The following SPMAP2 variants were observed in gnomAD, a reference collection of about 807,000 sequenced individuals.
The protein encoded by SPMAP2 is Theg homolog.
the SPMAP2 span, among the ~76,000 whole-genome samples, chr19:369,304 C>T: frequency 3.3e-3 from 507 of 152,308 alleles, 1 homozygote; most frequent in Non-Finnish European, 5.6e-3. Context: ...GCACTACCAC[C>T]GAGTGCTGAC....
the SPMAP2 span, chr19:373,617 G>A: frequency 2.2e-6 from 3 of 1,366,852 alleles, no homozygotes; most frequent in South Asian, 3.6e-5. Flanking sequence ...CCAGGAGGGT[G>A]GCCGAGGTGG....
the SPMAP2 span, among the ~76,000 whole-genome samples, chr19:375,021 G>GCGGCAAA: frequency 6.6e-6 from 1 of 152,206 alleles, no homozygotes; most frequent in East Asian, 1.9e-4. Flanking sequence ...TTGTTCTTGG[G>GCGGCAAA]CGGCAAACCT....
the SPMAP2 span, among the ~76,000 whole-genome samples, chr19:370,858 A>G: frequency 6.2e-5 from 4 of 64,132 alleles, no homozygotes; most frequent in South Asian, 2.3e-3. Context: ...CGGAAAAGCA[A>G]AAGGTACAGG....
chr19:364,151 G>T, the SPMAP2 span, among the ~76,000 whole-genome samples: 2 of 149,856 alleles, frequency 1.3e-5, no homozygotes, highest in Admixed American at 1.3e-4. Flanking sequence ...GGCTCACACG[G>T]TGAAATCCCA....
At chr19:369,839 T>G in the SPMAP2 span, among the ~76,000 whole-genome samples, 108 of 152,342 alleles carry the variant, frequency 7.1e-4, no homozygotes, top group African/African-American at 2.5e-3. Context: ...CCTTGATCAC[T>G]TAGGGTGGGG....
the SPMAP2 span, among the ~76,000 whole-genome samples, chr19:367,913 T>C: frequency 6.6e-6 from 1 of 151,840 alleles, no homozygotes; most frequent in Admixed American, 6.6e-5. Flanking sequence ...AAAACAGTAA[T>C]GAGGGAAAGC....
chr19:371,660 C>T, the SPMAP2 span, among the ~76,000 whole-genome samples: 1 of 152,212 alleles, frequency 6.6e-6, no homozygotes, highest in Admixed American at 6.5e-5. Flanking sequence ...CAGCTCCTCC[C>T]AGGCCTTCTC....
chr19:362,191 G>A, the SPMAP2 span: 1 of 1,479,494 alleles, frequency 6.8e-7, no homozygotes, highest in East Asian at 2.5e-5. Context: ...TTTACTGGGA[G>A]CGGAGGTCTT....
At chr19:367,203 C>T in the SPMAP2 span, 13 of 1,604,818 alleles carry the variant, frequency 8.1e-6, no homozygotes, top group Non-Finnish European at 9.3e-6. Flanking sequence ...GCCATTTGGG[C>T]TGCCCTGGAT....
chr19:375,680 C>A, the SPMAP2 span: 4 of 1,586,552 alleles, frequency 2.5e-6, no homozygotes, highest in Non-Finnish European at 2.6e-6. Context: ...CAGGAATGTC[C>A]TCTTCCAAGT....
the SPMAP2 span, among the ~76,000 whole-genome samples, chr19:370,365 G>A: frequency 5.8e-4 from 86 of 149,516 alleles, no homozygotes; most frequent in African/African-American, 2.1e-3. Context: ...TTTTTGAGGC[G>A]GAGTCTCGCT....
the SPMAP2 span, among the ~76,000 whole-genome samples, chr19:374,884 T>C: frequency 6.6e-6 from 1 of 152,326 alleles, no homozygotes; most frequent in East Asian, 1.9e-4. Context: ...AGATGCCAAA[T>C]GCCAGGATAT....
chr19:364,960 C>CG, the SPMAP2 span, among the ~76,000 whole-genome samples: 54 of 152,290 alleles, frequency 3.5e-4, no homozygotes, highest in African/African-American at 1.3e-3. Flanking sequence ...GGAACTTCTG[C>CG]GCAAATGAAT....
the SPMAP2 span, among the ~76,000 whole-genome samples, chr19:370,491 G>A: frequency 5.4e-5 from 8 of 147,484 alleles, no homozygotes; most frequent in East Asian, 2.0e-4. Context: ...ACAGGCGCCC[G>A]CCACCACCCC....
chr19:371,286 C>A, the SPMAP2 span: 1 of 1,502,508 alleles, frequency 6.7e-7, no homozygotes, highest in Non-Finnish European at 8.9e-7. Flanking sequence ...CTCTGTATTC[C>A]AGGGAGGACC....
At chr19:375,574 C>A in the SPMAP2 span, 1 of 1,360,234 alleles carries the variant, frequency 7.4e-7, no homozygotes, top group South Asian at 1.6e-5. Flanking sequence ...GACCCTTTCG[C>A]CCGCCCAGGG....
At chr19:364,309 C>T in the SPMAP2 span, among the ~76,000 whole-genome samples, 1 of 139,400 alleles carries the variant, frequency 7.2e-6, no homozygotes, top group Non-Finnish European at 1.5e-5. Context: ...TGCGCTCCAG[C>T]CTGGGTGACA....
At chr19:364,315 T>A in the SPMAP2 span, among the ~76,000 whole-genome samples, 2 of 120,396 alleles carry the variant, frequency 1.7e-5, no homozygotes, top group Non-Finnish European at 3.2e-5. Flanking sequence ...CCAGCCTGGG[T>A]GACAGAGCGA....
At chr19:373,526 G>A in the SPMAP2 span, 1 of 1,613,372 alleles carries the variant, frequency 6.2e-7, no homozygotes, top group Non-Finnish European at 8.5e-7. Context: ...CCAGTACACA[G>A]AGGGCCTGGA....
Sources: allele counts gnomAD v4.1 joint callset (sites outside exome capture counted in the v4.1 genomes callset), GRCh38; gene constraint gnomAD v4.1.1; transcripts MANE v1.5; gene names NCBI Gene and HGNC (gene_info 2026-07-23, HGNC 2026-07-21).